Variants in CADM2 observed in about 807,000 individuals in gnomAD.
CADM2 encodes the protein cell adhesion molecule 2.
Under a neutral mutation model 49.8 loss-of-function variants are expected in CADM2, and 12 were observed. The observed-to-expected ratio is 0.24, with a 90% confidence interval of 0.15 to 0.39. CADM2 has a LOEUF of 0.39. Ranked by LOEUF, CADM2 falls within the 10% of genes least tolerant of loss-of-function variation. CADM2 has a pLI of 1.00. For missense variants in CADM2, 378 were observed against 492.3 expected, an observed-to-expected ratio of 0.77 and a Z score of 2.20; for synonymous variants, 214 against 175.4, an observed-to-expected ratio of 1.22 and a Z score of -1.74.
At chr3:85,931,879 A>G (rs1458754538) in intron 6 of CADM2, among the ~76,000 whole-genome samples, 1 of 151,562 alleles carries the variant, frequency 6.6e-6, no homozygotes, top group Admixed American at 6.6e-5. Context: ...TTTAAAATTT[A>G]AAATTATTTT....
intron 1 of CADM2, among the ~76,000 whole-genome samples, chr3:85,011,143 CGT>C (rs1455361123): frequency 6.6e-6 from 1 of 151,806 alleles, no homozygotes; most frequent in Non-Finnish European, 1.5e-5. Context: ...GGATCACAGG[CGT>C]GAGCCACCGC....
chr3:85,641,628 G>A (rs778842552), intron 1 of CADM2, among the ~76,000 whole-genome samples: 1 of 152,002 alleles, frequency 6.6e-6, no homozygotes, highest in South Asian at 2.1e-4. Flanking sequence ...ATGAAGGTTA[G>A]AATGTAGGCA....
At chr3:85,594,704 T>C (rs1289548796) in intron 1 of CADM2, among the ~76,000 whole-genome samples, 1 of 152,016 alleles carries the variant, frequency 6.6e-6, no homozygotes, top group African/African-American at 2.4e-5. Context: ...ACCATTCTGT[T>C]TTTACTTATT....
chr3:85,758,207 G>T (rs12497803), intron 2 of CADM2, among the ~76,000 whole-genome samples: 16 of 152,106 alleles, frequency 1.1e-4, no homozygotes, highest in African/African-American at 2.4e-4. Flanking sequence ...CAACAGAGCA[G>T]CTTGTAAGAA....
chr3:85,888,608 A>C (rs1036261786), intron 5 of CADM2, among the ~76,000 whole-genome samples: 1 of 152,152 alleles, frequency 6.6e-6, no homozygotes, highest in African/African-American at 2.4e-5. Flanking sequence ...CTGTCTATCT[A>C]TGTATCTATG....
intron 1 of CADM2, among the ~76,000 whole-genome samples, chr3:85,077,915 G>A (rs73125134): frequency 0.11 from 16,291 of 152,018 alleles, 1,147 homozygotes; most frequent in Non-Finnish European, 0.16. Context: ...TTACTATTGC[G>A]TAGGATTAAA....
At chr3:85,504,006 C>T (rs1159286463) in intron 1 of CADM2, among the ~76,000 whole-genome samples, 2 of 152,178 alleles carry the variant, frequency 1.3e-5, no homozygotes, top group Non-Finnish European at 2.9e-5. Context: ...AAGAATCAAA[C>T]ATAGATAATA....
At chr3:85,918,590 A>T (rs926644951) in intron 6 of CADM2, among the ~76,000 whole-genome samples, 2 of 152,120 alleles carry the variant, frequency 1.3e-5, no homozygotes, top group African/African-American at 4.8e-5. Context: ...ATCAGTGTTC[A>T]TCAAGGATAT....
rs559094561 is a variant in CADM2, at chr3:85,021,230, T to A, written c.61+61562T>A. ...AAATAGTCCAAATTTTGTCGTTTTT[T>A]AAAAAAAAGATTTGAGAAGCACAGA... On this transcript the variant is annotated intron_variant, in intron 1 of 9. Transcript: ENST00000383699. 4.6e-5 allele frequency among the ~76,000 whole-genome samples: 7 copies of A among 152,038 alleles called. No homozygotes were observed. The South Asian group carries it at 1.2e-3, about 27-fold the overall frequency.
intron 1 of CADM2, among the ~76,000 whole-genome samples, chr3:85,507,110 A>G (rs1375660886): frequency 6.6e-6 from 1 of 152,036 alleles, no homozygotes; most frequent in Non-Finnish European, 1.5e-5. Context: ...ATATTTGTAA[A>G]GTTATTTCTG....
intron 1 of CADM2, among the ~76,000 whole-genome samples, chr3:85,424,351 A>G (rs2036304668): frequency 6.6e-6 from 1 of 151,506 alleles, no homozygotes; most frequent in South Asian, 2.1e-4. Context: ...ATAAACATAT[A>G]TAAGAATATA....
At chr3:85,410,488 T>C (rs1452681725) in intron 1 of CADM2, among the ~76,000 whole-genome samples, 1 of 152,200 alleles carries the variant, frequency 6.6e-6, no homozygotes, top group African/African-American at 2.4e-5. Flanking sequence ...GTGTAATTTG[T>C]ATAGGCACTA....
At chr3:85,299,396 C>A (rs12233500) in intron 1 of CADM2, among the ~76,000 whole-genome samples, 8,578 of 152,034 alleles carry the variant, frequency 0.056, 323 homozygotes, top group East Asian at 0.14. Flanking sequence ...CATGTCAGTT[C>A]TTTGCATAAA....
At chr3:85,991,446 A>G (rs1339353844) in intron 8 of CADM2, among the ~76,000 whole-genome samples, 3 of 152,218 alleles carry the variant, frequency 2.0e-5, no homozygotes, top group Non-Finnish European at 4.4e-5. Context: ...ATTCAATTTA[A>G]TGAGATCAGT....
chr3:85,831,973 T>C (rs2074207101), intron 3 of CADM2, among the ~76,000 whole-genome samples: 1 of 151,998 alleles, frequency 6.6e-6, no homozygotes, highest in Non-Finnish European at 1.5e-5. Flanking sequence ...ATTCAAATCT[T>C]CAGTCCATCT....
chr3:85,406,692 G>A (rs1180206620), intron 1 of CADM2, among the ~76,000 whole-genome samples: 2 of 151,934 alleles, frequency 1.3e-5, no homozygotes, highest in African/African-American at 4.8e-5. Flanking sequence ...ACCTCTTGAC[G>A]TCATTCTTGA....
intron 1 of CADM2, among the ~76,000 whole-genome samples, chr3:85,120,956 A>G (rs1370281820): frequency 2.6e-5 from 4 of 152,232 alleles, no homozygotes; most frequent in Non-Finnish European, 1.5e-5. Flanking sequence ...ACATTCCAAA[A>G]GTGATATTTC....
At chr3:85,922,880 GGC>G (rs1719318475) in intron 6 of CADM2, among the ~76,000 whole-genome samples, 1 of 150,438 alleles carries the variant, frequency 6.6e-6, no homozygotes, top group South Asian at 2.1e-4. Flanking sequence ...GGAGTGCAGT[GGC>G]ACTATCTTGG....
chr3:85,684,203 C>G (rs2066129417), intron 1 of CADM2, among the ~76,000 whole-genome samples: 1 of 152,162 alleles, frequency 6.6e-6, no homozygotes, highest in Admixed American at 6.6e-5. Flanking sequence ...TTGACAAATA[C>G]AACTGTCTAA....
Sources: allele counts gnomAD v4.1 joint callset (sites outside exome capture counted in the v4.1 genomes callset), GRCh38; gene constraint gnomAD v4.1.1; transcripts MANE v1.5; gene names NCBI Gene and HGNC (gene_info 2026-07-23, HGNC 2026-07-21).